Variants in FTO observed in about 807,000 individuals in gnomAD.
FTO encodes FTO alpha-ketoglutarate dependent dioxygenase.
FTO carries 47 observed loss-of-function variants against 63.9 expected under a neutral mutation model. That is an observed-to-expected ratio of 0.74 (90% CI 0.58 to 0.94). The LOEUF is 0.94. Among genes scored for constraint, FTO ranks in the 40% least tolerant of loss-of-function variants. The pLI is 0.00. For missense variants in FTO, 562 were observed against 618.1 expected (o/e 0.91, Z 0.96); for synonymous variants, 207 against 224.4 (o/e 0.92, Z 0.69).
intron 8 of FTO, among the ~76,000 whole-genome samples, chr16:54,079,969 C>A (rs2086100793): frequency 6.6e-6 from 1 of 152,050 alleles, no homozygotes; most frequent in Non-Finnish European, 1.5e-5. Flanking sequence ...TTAATGTAGC[C>A]CCTGAGCCAC....
intron 1 of FTO, among the ~76,000 whole-genome samples, chr16:53,725,444 C>A (rs546230639): frequency 2.0e-5 from 3 of 152,282 alleles, no homozygotes; most frequent in African/African-American, 7.2e-5. Flanking sequence ...TGAGTGTGTA[C>A]TTATGGCTTG....
chr16:53,965,026 C>T (rs948939657), intron 8 of FTO, among the ~76,000 whole-genome samples: 12 of 152,174 alleles, frequency 7.9e-5, no homozygotes, highest in African/African-American at 2.9e-4. Flanking sequence ...TTCACCCTAA[C>T]AATTGTAATA....
chr16:53,805,670 G>C (rs1046592039), intron 1 of FTO, among the ~76,000 whole-genome samples: 1 of 152,012 alleles, frequency 6.6e-6, no homozygotes, highest in Non-Finnish European at 1.5e-5. Context: ...AGCTGGTCTC[G>C]AACTCCTGAG....
chr16:53,818,610 T>G (rs2078764989), intron 2 of FTO, among the ~76,000 whole-genome samples: 1 of 151,730 alleles, frequency 6.6e-6, no homozygotes, highest in African/African-American at 2.4e-5. Context: ...AGTACATTAC[T>G]CAGGGATAAC....
At chr16:53,910,704 T>G (rs920774010) in intron 7 of FTO, among the ~76,000 whole-genome samples, 15 of 152,018 alleles carry the variant, frequency 9.9e-5, no homozygotes, top group Non-Finnish European at 1.8e-4. Context: ...CTTGGCTAAT[T>G]TTCGTAATTT....
At chr16:54,072,046 A>G (rs754097032) in intron 8 of FTO, 3 of 152,114 alleles carry the variant, frequency 2.0e-5, no homozygotes, top group Non-Finnish European at 4.4e-5. Context: ...TAATTTTCCC[A>G]TACCATGTGG....
chr16:53,880,111 C>G, intron 6 of FTO, 124 bp downstream of exon 6: 1 of 718,298 alleles, frequency 1.4e-6, no homozygotes, highest in Non-Finnish European at 2.4e-6. Context: ...CCTCCTGTCT[C>G]AAGCTCCCGA....
At chr16:53,958,502 G>C (rs2082985447) in intron 8 of FTO, among the ~76,000 whole-genome samples, 1 of 152,182 alleles carries the variant, frequency 6.6e-6, no homozygotes, top group South Asian at 2.1e-4. Flanking sequence ...AGGTTAAAAG[G>C]TGTCCCACCC....
Position 53,985,483 on chromosome 16 carries a change from T to G in FTO, c.1364+51374T>G, listed in dbSNP as rs1050289953. 2.6e-5 allele frequency among the ~76,000 whole-genome samples: 4 copies of G among 152,214 alleles called. 1 individual carries two copies. The highest frequency in any genetic ancestry group is 5.9e-5 in the Non-Finnish European group (4 of 68,040). On this transcript the variant is annotated intron_variant, in intron 8 of 8. Coordinates refer to ENST00000471389, the MANE Select transcript of FTO (RefSeq NM_001080432.3). ...ACCAGACATGAGAAAGAAAAAAATT[T>G]TCCCACAAATCTTTAAATGCATGGG...
intron 8 of FTO, among the ~76,000 whole-genome samples, chr16:53,972,099 G>C (rs889146288): frequency 6.6e-6 from 1 of 152,026 alleles, no homozygotes; most frequent in Non-Finnish European, 1.5e-5. Flanking sequence ...CCTATTATTG[G>C]CACTGCCCTT....
At chr16:53,996,334 T>C (rs1461707444) in intron 8 of FTO, among the ~76,000 whole-genome samples, 2 of 152,206 alleles carry the variant, frequency 1.3e-5, no homozygotes, top group Admixed American at 1.3e-4. Flanking sequence ...CTGGATAAAC[T>C]ATATGGAAGT....
chr16:54,096,414 A>G (rs527488126), intron 8 of FTO, among the ~76,000 whole-genome samples: 44 of 152,332 alleles, frequency 2.9e-4, no homozygotes, highest in African/African-American at 9.9e-4. Context: ...CCCTTTCTAC[A>G]AAACAGCTGC....
chr16:53,844,458 G>C (rs923549593), intron 4 of FTO, among the ~76,000 whole-genome samples, 160 bp downstream of exon 4: 7 of 151,768 alleles, frequency 4.6e-5, no homozygotes, highest in Non-Finnish European at 7.4e-5. Context: ...TTTCTTTTTT[G>C]AGATATTGCT....
At chr16:54,091,566 G>T (rs766746223) in intron 8 of FTO, among the ~76,000 whole-genome samples, 1 of 152,104 alleles carries the variant, frequency 6.6e-6, no homozygotes, top group Non-Finnish European at 1.5e-5. Context: ...AGAAATCAGG[G>T]TACATGCATA....
intron 3 of FTO, among the ~76,000 whole-genome samples, chr16:53,827,703 T>A (rs991885718): frequency 6.6e-6 from 1 of 152,230 alleles, no homozygotes; most frequent in Admixed American, 6.5e-5. Context: ...ATTTGGAAAT[T>A]TCACCACTTT....
rs575810943 is a variant in FTO, at chr16:53,711,378, G to T, written c.45+7149G>T. ...TGGTTCAGATAAGGAACCTGATTAA[G>T]TGTCGAGTAGTGTACTCAGCACCAG... is the stretch of plus-strand genomic sequence containing the variant. On this transcript the variant is annotated intron_variant, in intron 1 of 8. Transcript: ENST00000471389. 45 of 398,518 alleles carry T rather than the reference G, an allele frequency of 1.1e-4. 1 individual carries two copies. In the East Asian group the frequency reaches 1.6e-3, roughly 14 times the overall value. The allele number at this position is 398,518 out of a possible 1,614,324, so 24.7% of individuals were successfully genotyped here.
intron 8 of FTO, among the ~76,000 whole-genome samples, chr16:54,077,407 G>C (rs967838450): frequency 1.3e-5 from 2 of 152,120 alleles, no homozygotes; most frequent in African/African-American, 4.8e-5. Flanking sequence ...TTTTTAGCTG[G>C]TATTGGTGAG....
At chr16:54,098,035 T>C (rs1282696407) in intron 8 of FTO, among the ~76,000 whole-genome samples, 1 of 152,098 alleles carries the variant, frequency 6.6e-6, no homozygotes, top group African/African-American at 2.4e-5. Context: ...CCGGTCTGAC[T>C]GGAGCACAGT....
At chr16:53,844,920 T>C (rs1203120697) in intron 4 of FTO, among the ~76,000 whole-genome samples, 1 of 152,052 alleles carries the variant, frequency 6.6e-6, no homozygotes, top group Admixed American at 6.5e-5. Context: ...GAGTTTTTTT[T>C]TTTTTTCTTC....
Sources: allele counts gnomAD v4.1 joint callset (sites outside exome capture counted in the v4.1 genomes callset), GRCh38; gene constraint gnomAD v4.1.1; transcripts MANE v1.5; gene names NCBI Gene and HGNC (gene_info 2026-07-23, HGNC 2026-07-21).